CD226: variants seen among roughly 807,000 people sequenced by gnomAD.
The protein encoded by CD226 is CD226 molecule.
In CD226, 24 loss-of-function variants were observed where a neutral mutation model predicts 34.9. The ratio of observed to expected loss-of-function variants is 0.69; its 90% CI spans 0.50 to 0.97. The LOEUF is 0.97. Ranked by LOEUF, CD226 falls within the 50% of genes least tolerant of loss-of-function variation. CD226 has a pLI of 0.00. For missense variants in CD226, 397 were observed against 412.7 expected (o/e 0.96, Z 0.33); for synonymous variants, 148 against 147.4 (o/e 1.00, Z -0.03).
chr18:69,871,182 G>A (rs925544699), intron 4 of CD226, among the ~76,000 whole-genome samples: 2 of 152,152 alleles, frequency 1.3e-5, no homozygotes, highest in Non-Finnish European at 2.9e-5. Flanking sequence ...CATTTGCCCG[G>A]TTCCCATGTG....
intron 2 of CD226, among the ~76,000 whole-genome samples, chr18:69,904,014 T>C (rs2055219879): frequency 1.3e-5 from 2 of 152,074 alleles, no homozygotes; most frequent in Non-Finnish European, 2.9e-5. Context: ...CAACACTGCT[T>C]CCCACACGTT....
At position 69,895,888 on chromosome 18, in the gene CD226, G is replaced by A; in HGVS notation, c.540C>T (p.Asn180=). The part of the protein sequence containing the change: ...PRQIDLLTYC[N]LVHGRNFTSK... ...AGGTGAAATTTCTGCCATGGACCAA[G>A]TTGCAGTAAGTTAAGAGGTCGATCT... Residue 180 remains asparagine, a synonymous_variant, in exon 3 of 6, where the codon AAC becomes AAT. Transcript: ENST00000582621. The A allele has an allele frequency of 6.2e-7, 1 of 1,614,184 alleles. No homozygotes were observed. The highest frequency in any genetic ancestry group is 1.1e-5 in the South Asian group (1 of 91,082).
rs1598983555 is a variant in CD226 at position 69,895,709 on chromosome 18, A to G, written c.719T>C (p.Val240Ala). Reference sequence around the variant, plus strand: ...GTCTGGTGCTCACTCACCCTCGGCTACAGTCAATCTCATCACGAAGGTTTC... The same window carrying G: ...GTCTGGTGCTCACTCACCCTCGGCTGCAGTCAATCTCATCACGAAGGTTTC... ...ENETFVMRLT[V>A]AEGKTDNQYT... The change falls in exon 3 of 6, where the codon GTA becomes GCA. Residue 240 changes from valine (V) to alanine (A), a missense_variant. By Grantham distance (64) the Val-to-Ala change is moderately conservative (BLOSUM62 0). Coordinates refer to ENST00000582621, the MANE Select transcript of CD226 (RefSeq NM_001303618.2). 1 of 1,610,614 alleles carries G rather than the reference A, an allele frequency of 6.2e-7. No homozygotes were observed. Among genetic ancestry groups the G allele is most frequent in the Admixed American group, 1.7e-5 (1 of 59,992 alleles).
chr18:69,938,700 C>T (rs77416474), intron 2 of CD226, among the ~76,000 whole-genome samples: 4,508 of 152,286 alleles, frequency 0.03, 222 homozygotes, highest in African/African-American at 0.1. Context: ...TCTACCTGGC[C>T]CCCAGGCCAT....
intron 2 of CD226, among the ~76,000 whole-genome samples, chr18:69,917,177 T>C (rs1006858102): frequency 6.6e-6 from 1 of 152,194 alleles, no homozygotes; most frequent in Admixed American, 6.5e-5. Context: ...TATTAGTCCC[T>C]AGCTTAAAAT....
At position 69,856,304 on chromosome 18, in the gene CD226, A is replaced by G. The variant is rs1302030489; in HGVS notation, c.*8010T>C. On this transcript the variant is annotated 3_prime_UTR_variant, in exon 6 of 6. Transcript: ENST00000582621. ...GAGTATCAAGATACATGAGACAAAA[A>G]CTAACAAAACTGCAAGGAGAAATAG... The G allele has an allele frequency of 1.3e-5, 2 of 152,202 alleles. No homozygotes were observed. The highest frequency in any genetic ancestry group is 6.5e-5 in the Admixed American group (1 of 15,278). The allele number at this position is 152,202 out of a possible 1,614,324, so 9.4% of individuals were successfully genotyped here.
intron 1 of CD226, 103 bp from the exon 2 acceptor site, chr18:69,947,172 G>A (rs2055804371): frequency 9.4e-7 from 1 of 1,059,048 alleles, no homozygotes. Context: ...CACAGTAAAG[G>A]CTGACAGTTT....
At chr18:69,886,237 G>A (rs2145219486) in intron 3 of CD226, among the ~76,000 whole-genome samples, 1 of 152,278 alleles carries the variant, frequency 6.6e-6, no homozygotes, top group South Asian at 2.1e-4. Context: ...GTCAAACGTG[G>A]GCAGTCAGGC....
chr18:69,901,908 C>A (rs940427264), intron 2 of CD226, among the ~76,000 whole-genome samples: 5 of 151,362 alleles, frequency 3.3e-5, no homozygotes, highest in African/African-American at 1.2e-4. Context: ...TTTGTTAGTA[C>A]AAGATTTGAG....
chr18:69,859,346 C>T lies in CD226; in HGVS notation c.*4968G>A, dbSNP rs1319359325. 6.6e-6 allele frequency: 1 copy of T among 151,940 alleles called. No homozygotes were observed. Among genetic ancestry groups the T allele is most frequent in the South Asian group, 2.1e-4 (1 of 4,794 alleles). The allele number at this position is 151,940 out of a possible 1,614,324, so 9.4% of individuals were successfully genotyped here. On this transcript the variant is annotated 3_prime_UTR_variant, in exon 6 of 6. Transcript: ENST00000582621. The stretch of plus-strand genomic sequence containing the variant: ...CAGAAAAAGTCAGTCCCCAGAATGA[C>T]AATTATTAGCTCTAGGTGGAAAAAA...
At chr18:69,911,648 C>A (rs2055326762) in intron 2 of CD226, among the ~76,000 whole-genome samples, 1 of 152,132 alleles carries the variant, frequency 6.6e-6, no homozygotes, top group African/African-American at 2.4e-5. Context: ...CAAAATGAGG[C>A]CAGAATTCTC....
chr18:69,877,556 T>A (rs1380137652), intron 3 of CD226, among the ~76,000 whole-genome samples: 5 of 152,140 alleles, frequency 3.3e-5, no homozygotes, highest in African/African-American at 1.2e-4. Context: ...AGATATGGGG[T>A]GGGATCCTCT....
At chr18:69,901,730 T>A (rs1055834316) in intron 2 of CD226, among the ~76,000 whole-genome samples, 1 of 151,894 alleles carries the variant, frequency 6.6e-6, no homozygotes. Context: ...ATACAAAAAA[T>A]TAGCCGGGCG....
At chr18:69,873,122 C>A in intron 4 of CD226, 22 bp downstream of exon 4, 1 of 1,223,626 alleles carries the variant, frequency 8.2e-7, no homozygotes, top group South Asian at 1.2e-5. Context: ...GAATAAGATT[C>A]AGCATAAGTT....
At chr18:69,956,189 C>CA (rs1345522792) in intron 1 of CD226, among the ~76,000 whole-genome samples, 1 of 152,230 alleles carries the variant, frequency 6.6e-6, no homozygotes, top group Non-Finnish European at 1.5e-5. Flanking sequence ...TGGAGACAGC[C>CA]ATGCTCACTT....
chr18:69,943,558 C>G (rs1173211961), intron 2 of CD226, among the ~76,000 whole-genome samples: 1 of 152,190 alleles, frequency 6.6e-6, no homozygotes, highest in Non-Finnish European at 1.5e-5. Context: ...CCTGTTTGCT[C>G]TTAAACTCTA....
At chr18:69,959,749 C>A (rs181777613), upstream of CD226, among the ~76,000 whole-genome samples, 1 of 152,020 alleles carries the variant, frequency 6.6e-6, no homozygotes, top group Non-Finnish European at 1.5e-5. Context: ...AATGGGGAAC[C>A]CTATGATGAA....
chr18:69,875,122 TTTA>T (rs1302316143), intron 3 of CD226, among the ~76,000 whole-genome samples: 13 of 152,228 alleles, frequency 8.5e-5, no homozygotes, highest in African/African-American at 1.9e-4. Context: ...ATATGATAGC[TTTA>T]TTTATTTTAT....
At chr18:69,906,955 C>T (rs80122377) in intron 2 of CD226, among the ~76,000 whole-genome samples, 4,751 of 152,202 alleles carry the variant, frequency 0.031, 120 homozygotes, top group Middle Eastern at 0.078. Context: ...GCACCTGCCC[C>T]GCTAGGTTGG....
Sources: gnomAD v4.1 joint callset for allele counts (sites outside exome capture counted in the v4.1 genomes callset) on GRCh38, gnomAD v4.1.1 for gene constraint, MANE v1.5 for transcripts, NCBI Gene and HGNC (gene_info 2026-07-23, HGNC 2026-07-21) for gene names.